Variants in ACLY observed in about 807,000 individuals in gnomAD.
The protein encoded by ACLY is ATP citrate lyase.
In ACLY, 41 loss-of-function variants were observed where a neutral mutation model predicts 133.0. The ratio of observed to expected loss-of-function variants is 0.31; its 90% CI spans 0.24 to 0.40. The LOEUF (loss-of-function observed/expected upper bound fraction) is 0.40, where lower values mean the gene tolerates loss of function less well. Ranked by LOEUF, ACLY falls within the 10% of genes least tolerant of loss-of-function variation. The pLI is 1.00. For synonymous variants in ACLY, 495 were observed against 549.3 expected (o/e 0.90, Z 1.38); for missense variants, 1,046 against 1,453.8 (o/e 0.72, Z 4.56).
At chr17:41,883,939 C>T (rs2048986232) in intron 19 of ACLY, among the ~76,000 whole-genome samples, 2 of 152,006 alleles carry the variant, frequency 1.3e-5, no homozygotes, top group Non-Finnish European at 2.9e-5. Context: ...CAGGTAGAGA[C>T]CATGGCCAGC....
chr17:41,881,811 C>T (rs568758675), intron 20 of ACLY, among the ~76,000 whole-genome samples: 2 of 152,284 alleles, frequency 1.3e-5, no homozygotes, highest in South Asian at 4.1e-4. Flanking sequence ...GCAGAGCTCA[C>T]CCTGGAGGGA....
upstream of ACLY, chr17:41,919,116 G>A (rs1252693662): frequency 8.6e-7 from 1 of 1,168,118 alleles, no homozygotes; most frequent in South Asian, 1.6e-5. Flanking sequence ...CGCCCCACGA[G>A]GGCGGGCCCC....
At chr17:41,899,421 T>A (rs533038188) in intron 11 of ACLY, among the ~76,000 whole-genome samples, 2 of 152,198 alleles carry the variant, frequency 1.3e-5, no homozygotes, top group South Asian at 4.1e-4. Context: ...CCACCAGTGC[T>A]TGGTCTCTGT....
intron 7 of ACLY, among the ~76,000 whole-genome samples, chr17:41,906,849 C>G (rs2144382416): frequency 6.6e-6 from 1 of 152,332 alleles, no homozygotes; most frequent in East Asian, 1.9e-4. Flanking sequence ...GTCACAGTCA[C>G]TGCCTAGGGA....
chr17:41,895,964 T>C (rs1475518981), intron 14 of ACLY, among the ~76,000 whole-genome samples: 2 of 152,166 alleles, frequency 1.3e-5, no homozygotes, highest in Non-Finnish European at 2.9e-5. Flanking sequence ...CACTGTAAAA[T>C]GTGACCTCAT....
upstream of ACLY, among the ~76,000 whole-genome samples, chr17:41,923,720 A>T (rs782469856): frequency 2.2e-4 from 33 of 152,234 alleles, no homozygotes; most frequent in Non-Finnish European, 4.4e-4. Context: ...AATGAAAGAA[A>T]GCAATTGTAG....
chr17:41,925,111 C>A (rs967985228), intron 1 of ACLY, among the ~76,000 whole-genome samples: 2 of 151,802 alleles, frequency 1.3e-5, no homozygotes, highest in Non-Finnish European at 2.9e-5. Flanking sequence ...TCTCCGCTCA[C>A]TGCAACCTCT....
chr17:41,911,445 C>T (rs1555633630), intron 3 of ACLY, among the ~76,000 whole-genome samples: 1 of 152,240 alleles, frequency 6.6e-6, no homozygotes, highest in African/African-American at 2.4e-5. Context: ...TTCCAGGCAT[C>T]TCTTACCCTT....
intron 1 of ACLY, among the ~76,000 whole-genome samples, chr17:41,918,126 G>A (rs1180197634): frequency 6.6e-6 from 1 of 152,242 alleles, no homozygotes; most frequent in Non-Finnish European, 1.5e-5. Context: ...TCGACAGGAG[G>A]GCGGCGGCAG....
At chr17:41,878,663 G>C (rs1597979172) in intron 21 of ACLY, 134 bp downstream of exon 21, 1 of 1,105,904 alleles carries the variant, frequency 9.0e-7, no homozygotes, top group East Asian at 2.4e-5. Context: ...AGAGGATTTT[G>C]AACCATCCAT....
At chr17:41,904,626 C>T (rs1555632232) in intron 10 of ACLY, 103 bp downstream of exon 10, 6 of 1,139,170 alleles carry the variant, frequency 5.3e-6, no homozygotes, top group East Asian at 2.4e-5. Context: ...GACCTGGGAA[C>T]TCATGGTAAC....
chr17:41,881,663 C>T (rs2048920917), intron 20 of ACLY, among the ~76,000 whole-genome samples: 1 of 152,156 alleles, frequency 6.6e-6, no homozygotes, highest in East Asian at 1.9e-4. Context: ...AAGATCTGAT[C>T]TCAGCTCACT....
intron 16 of ACLY, among the ~76,000 whole-genome samples, chr17:41,891,281 T>C (rs1223278082): frequency 6.6e-6 from 1 of 152,112 alleles, no homozygotes; most frequent in Non-Finnish European, 1.5e-5. Context: ...CCCCCGCCTC[T>C]GCCGCCCAAC....
intron 6 of ACLY, 73 bp from the exon 7 acceptor site, chr17:41,907,645 A>C: frequency 6.4e-7 from 1 of 1,552,310 alleles, no homozygotes; most frequent in African/African-American, 1.4e-5. Context: ...CAACCCCTCC[A>C]CAAACACCGA....
intron 8 of ACLY, 133 bp from the exon 9 acceptor site, chr17:41,905,791 C>T (rs782813427): frequency 3.7e-6 from 4 of 1,068,896 alleles, no homozygotes; most frequent in African/African-American, 1.6e-5. Context: ...GGATCTCCAG[C>T]CCCCAATTCC....
In ACLY at chr17:41,909,048, GAGA is replaced by G. The variant is rs1555633150; in HGVS notation, c.554_556del (p.Ile185_Ser186delinsThr). The G allele has an allele frequency of 6.2e-7, 1 of 1,612,786 alleles. No individual in the cohort carries two copies. Among genetic ancestry groups the G allele is most frequent in the Non-Finnish European group, 8.5e-7 (1 of 1,179,812 alleles). ...GTCCTCGTAGAAATTGAAGAGGCCG[GAGA>G]TAAAACTGGCCAGAATTCTAGAGGT... On this transcript the variant is annotated inframe_deletion, in exon 6 of 29. Coordinates refer to ENST00000352035, the MANE Select transcript of ACLY (RefSeq NM_001096.3).
intron 25 of ACLY, 137 bp from the exon 26 acceptor site, chr17:41,869,724 T>C (rs2048552402): frequency 9.3e-6 from 6 of 646,764 alleles, no homozygotes; most frequent in South Asian, 6.1e-5. Context: ...TACCATTCCA[T>C]GTGGCACCAA....
intron 1 of ACLY, among the ~76,000 whole-genome samples, chr17:41,927,025 C>T (rs781853889): frequency 2.6e-5 from 4 of 151,948 alleles, no homozygotes; most frequent in African/African-American, 7.3e-5. Flanking sequence ...TGTGCCATCA[C>T]GCCCAGCTAA....
At chr17:41,887,569 C>T (rs1567894978) in intron 17 of ACLY, 30 bp downstream of exon 17, 11 of 1,594,102 alleles carry the variant, frequency 6.9e-6, no homozygotes, top group East Asian at 6.7e-5. Flanking sequence ...TAGCATCGAA[C>T]GTAAAAGGCT....
Sources: gnomAD v4.1 joint callset for allele counts (sites outside exome capture counted in the v4.1 genomes callset) on GRCh38, gnomAD v4.1.1 for gene constraint, MANE v1.5 for transcripts, NCBI Gene and HGNC (gene_info 2026-07-23, HGNC 2026-07-21) for gene names.